Variants in ADSS2 observed in about 807,000 individuals in gnomAD.
ADSS2 encodes adenylosuccinate synthetase isozyme 2.
Under a neutral mutation model 60.0 loss-of-function variants are expected in ADSS2, and 30 were observed. The observed-to-expected ratio is 0.50, with a 90% CI of 0.37 to 0.68. The LOEUF is 0.68. Among genes scored for constraint, ADSS2 ranks in the 30% least tolerant of loss-of-function variants. The pLI is 0.00. For missense variants in ADSS2, 373 were observed against 554.8 expected, an observed-to-expected ratio of 0.67 and a Z score of 3.29; for synonymous variants, 187 against 193.1, an observed-to-expected ratio of 0.97 and a Z score of 0.26.
chr1:244,415,004 A>T (rs2147988509), intron 11 of ADSS2, among the ~76,000 whole-genome samples: 1 of 152,360 alleles, frequency 6.6e-6, no homozygotes, highest in South Asian at 2.1e-4. Context: ...TCTTGGATAC[A>T]AATCTCCATC....
At chr1:244,450,182 G>A (rs562636925) in intron 1 of ADSS2, among the ~76,000 whole-genome samples, 1 of 152,320 alleles carries the variant, frequency 6.6e-6, no homozygotes, top group African/African-American at 2.4e-5. Context: ...CTGAATGTAA[G>A]ACAAAAGGTA....
intron 4 of ADSS2, among the ~76,000 whole-genome samples, chr1:244,425,089 TACTCCC>T (rs1398647516): frequency 6.6e-6 from 1 of 152,172 alleles, no homozygotes; most frequent in African/African-American, 2.4e-5. Flanking sequence ...ACATAACTTG[TACTCCC>T]TCTCTCCCCT....
chr1:244,419,137 TC>T, intron 8 of ADSS2: 2 of 411,738 alleles, frequency 4.9e-6, no homozygotes, highest in Non-Finnish European at 8.6e-6. Flanking sequence ...ACAGAGAGGC[TC>T]CTTGAATGCA....
intron 11 of ADSS2, among the ~76,000 whole-genome samples, chr1:244,412,662 G>A (rs1188715542): frequency 3.9e-5 from 6 of 152,164 alleles, no homozygotes; most frequent in African/African-American, 1.4e-4. Context: ...TGATTAAGAT[G>A]AGAATTCAAT....
chr1:244,442,430 T>C (rs1665271153), intron 1 of ADSS2, among the ~76,000 whole-genome samples: 1 of 152,232 alleles, frequency 6.6e-6, no homozygotes, highest in Admixed American at 6.5e-5. Context: ...ATATTAGTTA[T>C]TGAAAAATAG....
intron 7 of ADSS2, 26 bp from the exon 8 acceptor site, chr1:244,420,322 TC>T: frequency 6.3e-7 from 1 of 1,585,232 alleles, no homozygotes; most frequent in Non-Finnish European, 8.6e-7. Context: ...AAAACCAATT[TC>T]CATGTATACT....
intron 1 of ADSS2, among the ~76,000 whole-genome samples, chr1:244,440,997 A>G (rs1665226094): frequency 6.6e-6 from 1 of 152,054 alleles, no homozygotes. Context: ...TTTATCATCA[A>G]TTCTGATAGA....
intron 1 of ADSS2, among the ~76,000 whole-genome samples, chr1:244,442,597 T>A (rs1472928038): frequency 7.2e-5 from 11 of 152,182 alleles, no homozygotes; most frequent in Non-Finnish European, 1.5e-4. Context: ...TATTTATATT[T>A]GGTCACTAGT....
At chr1:244,450,356 G>C (rs1044857135) in intron 1 of ADSS2, among the ~76,000 whole-genome samples, 17 of 152,204 alleles carry the variant, frequency 1.1e-4, no homozygotes, top group African/African-American at 4.1e-4. Flanking sequence ...TTTCCTAAGA[G>C]GCAATTAGTG....
intron 4 of ADSS2, among the ~76,000 whole-genome samples, chr1:244,432,332 A>C (rs6686008): frequency 0.38 from 57,529 of 152,026 alleles, 11,377 homozygotes; most frequent in Admixed American, 0.43. Context: ...AAATTTGCTT[A>C]GCTAACCTTT....
intron 1 of ADSS2, among the ~76,000 whole-genome samples, chr1:244,443,236 G>A (rs1665291830): frequency 6.6e-6 from 1 of 152,044 alleles, no homozygotes; most frequent in African/African-American, 2.4e-5. Flanking sequence ...AACCAAACTT[G>A]GTAAGTTATC....
intron 11 of ADSS2, among the ~76,000 whole-genome samples, chr1:244,413,683 A>G (rs1664467031): frequency 6.6e-6 from 1 of 152,202 alleles, no homozygotes; most frequent in Non-Finnish European, 1.5e-5. Flanking sequence ...AGGCTACAGG[A>G]GGACGCCACA....
intron 4 of ADSS2, among the ~76,000 whole-genome samples, chr1:244,431,938 G>T (rs1296015966): frequency 6.6e-6 from 1 of 152,128 alleles, no homozygotes; most frequent in Non-Finnish European, 1.5e-5. Flanking sequence ...CAGGACACAC[G>T]CATACTTAAA....
At chr1:244,415,911 A>C in intron 11 of ADSS2, 70 bp downstream of exon 11, 3 of 1,129,258 alleles carry the variant, frequency 2.7e-6, no homozygotes, top group Non-Finnish European at 3.9e-6. Flanking sequence ...ATTATATGGA[A>C]GAGCTTTATG....
At chr1:244,411,554 G>T in intron 11 of ADSS2, 118 bp from the exon 12 acceptor site, 2 of 1,060,682 alleles carry the variant, frequency 1.9e-6, no homozygotes, top group Non-Finnish European at 2.7e-6. Context: ...TATGTTTTGG[G>T]ATTTAGAATT....
chr1:244,450,066 T>C (rs1272812397), intron 1 of ADSS2, among the ~76,000 whole-genome samples: 1 of 152,240 alleles, frequency 6.6e-6, no homozygotes, highest in African/African-American at 2.4e-5. Context: ...ATTAACGAGA[T>C]GTCAAGATGT....
chr1:244,431,338 G>A (rs1664939937), intron 4 of ADSS2, among the ~76,000 whole-genome samples: 1 of 152,088 alleles, frequency 6.6e-6, no homozygotes, highest in Non-Finnish European at 1.5e-5. Context: ...TATCATTTGG[G>A]ACTGCAAAGC....
intron 11 of ADSS2, among the ~76,000 whole-genome samples, chr1:244,412,553 T>C (rs1417151119): frequency 6.6e-6 from 1 of 152,202 alleles, no homozygotes; most frequent in Non-Finnish European, 1.5e-5. Flanking sequence ...GGATGGCTTT[T>C]GATGAACGCT....
chr1:244,417,964 A>G (rs1664578287), intron 9 of ADSS2, among the ~76,000 whole-genome samples: 1 of 152,182 alleles, frequency 6.6e-6, no homozygotes, highest in Non-Finnish European at 1.5e-5. Context: ...TTTTATGTTA[A>G]TATTTTTTAC....
Sources: gnomAD v4.1 joint callset for allele counts (sites outside exome capture counted in the v4.1 genomes callset) on GRCh38, gnomAD v4.1.1 for gene constraint, MANE v1.5 for transcripts, NCBI Gene and HGNC (gene_info 2026-07-23, HGNC 2026-07-21) for gene names.